RCAN2: variants seen among roughly 807,000 people sequenced by gnomAD.
RCAN2 encodes the protein regulator of calcineurin 2, also known as calcipressin-2.
Under a neutral mutation model 23.6 loss-of-function variants are expected in RCAN2, and 9 were observed. The ratio of observed to expected loss-of-function variants is 0.38; its 90% CI spans 0.23 to 0.67. RCAN2 has a LOEUF of 0.67. Ranked by LOEUF, RCAN2 falls within the 30% of genes least tolerant of loss-of-function variation. The pLI, the probability that RCAN2 is intolerant of heterozygous loss-of-function variation, is 0.51. For synonymous variants in RCAN2, 109 were observed against 115.7 expected, an observed-to-expected ratio of 0.94 and a Z score of 0.37; for missense variants, 273 against 302.3, an observed-to-expected ratio of 0.90 and a Z score of 0.72.
intron 2 of RCAN2, among the ~76,000 whole-genome samples, chr6:46,436,877 G>A (rs1338649566): frequency 6.6e-6 from 1 of 152,102 alleles, no homozygotes; most frequent in African/African-American, 2.4e-5. Flanking sequence ...TGAGTTCTTA[G>A]ATAATAAAAA....
intron 2 of RCAN2, among the ~76,000 whole-genome samples, chr6:46,429,760 C>G (rs1214799154): frequency 6.6e-6 from 1 of 152,066 alleles, no homozygotes; most frequent in Non-Finnish European, 1.5e-5. Context: ...AGAAATGGAT[C>G]ATTCATGCTG....
chr6:46,334,362 G>T (rs1268236564), intron 2 of RCAN2, among the ~76,000 whole-genome samples: 1 of 152,216 alleles, frequency 6.6e-6, no homozygotes, highest in Admixed American at 6.5e-5. Flanking sequence ...CATGCAGTGA[G>T]AGCTCAGTGA....
intron 2 of RCAN2, among the ~76,000 whole-genome samples, chr6:46,428,724 C>T (rs949107829): frequency 6.6e-6 from 1 of 152,212 alleles, no homozygotes; most frequent in Non-Finnish European, 1.5e-5. Context: ...TGTCCCAGAA[C>T]TCTCAGAACT....
chr6:46,405,176 A>G (rs556035970), intron 2 of RCAN2, among the ~76,000 whole-genome samples: 11 of 152,024 alleles, frequency 7.2e-5, no homozygotes, highest in African/African-American at 2.7e-4. Context: ...ATGTGTTCGG[A>G]GTTTTTTCCT....
At chr6:46,437,148 C>T (rs1465027145) in intron 2 of RCAN2, among the ~76,000 whole-genome samples, 1 of 152,158 alleles carries the variant, frequency 6.6e-6, no homozygotes, top group Non-Finnish European at 1.5e-5. Context: ...TAAATTGATC[C>T]TATTTGGGTG....
At chr6:46,251,992 A>G (rs183273549) in intron 2 of RCAN2, among the ~76,000 whole-genome samples, 19 of 151,600 alleles carry the variant, frequency 1.3e-4, no homozygotes, top group Admixed American at 1.2e-3. Context: ...AATGATGATA[A>G]TAATAAACAG....
At chr6:46,450,947 T>C (rs1767863214) in intron 2 of RCAN2, among the ~76,000 whole-genome samples, 1 of 152,056 alleles carries the variant, frequency 6.6e-6, no homozygotes. Context: ...GTAATAAGTA[T>C]GGGAGGTAAT....
intron 2 of RCAN2, among the ~76,000 whole-genome samples, chr6:46,334,537 C>T (rs773204598): frequency 2.0e-4 from 31 of 152,200 alleles, no homozygotes; most frequent in Admixed American, 1.4e-3. Flanking sequence ...GAAGATGACT[C>T]AGGTCACTGG....
At chr6:46,378,948 A>T (rs984417880) in intron 2 of RCAN2, among the ~76,000 whole-genome samples, 1 of 152,196 alleles carries the variant, frequency 6.6e-6, no homozygotes, top group Non-Finnish European at 1.5e-5. Context: ...TGAACCTAAC[A>T]TGCACATTGA....
At chr6:46,368,831 A>G (rs1472271834) in intron 2 of RCAN2, among the ~76,000 whole-genome samples, 1 of 152,186 alleles carries the variant, frequency 6.6e-6, no homozygotes, top group African/African-American at 2.4e-5. Context: ...TTTATAAAGT[A>G]GACTTTATAA....
At chr6:46,450,070 C>A (rs1468191878) in intron 2 of RCAN2, among the ~76,000 whole-genome samples, 2 of 151,666 alleles carry the variant, frequency 1.3e-5, no homozygotes, top group Non-Finnish European at 3.0e-5. Context: ...GAGTTAGTAT[C>A]CAAAAATACA....
chr6:46,446,329 C>A (rs958490535), intron 2 of RCAN2, among the ~76,000 whole-genome samples: 1 of 151,686 alleles, frequency 6.6e-6, no homozygotes, highest in Admixed American at 6.6e-5. Context: ...GGGGAAACTG[C>A]CAACCAAGAA....
rs1284709234 is a variant in RCAN2, at chr6:46,380,432, G to A, written c.225+76320C>T. Among the ~76,000 whole-genome samples the A allele has an allele frequency of 1.4e-4, 21 of 152,192 alleles. 1 individual carries two copies. Among genetic ancestry groups the A allele is most frequent in the Admixed American group, 1.4e-3 (21 of 15,266 alleles). On this transcript the variant is annotated intron_variant, in intron 2 of 4. Coordinates refer to ENST00000371374, the MANE Select transcript of RCAN2 (RefSeq NM_001251974.2). ...GATTACCTGCCAAATGTTTAAAGAT[G>A]CTAGAGCAAAGTTTTAGATCAGTAG...
chr6:46,291,186 T>C (rs1051533181), intron 2 of RCAN2, among the ~76,000 whole-genome samples: 26 of 152,294 alleles, frequency 1.7e-4, no homozygotes, highest in African/African-American at 6.0e-4. Flanking sequence ...CTAAGAGGTC[T>C]TTTATTTATA....
chr6:46,263,902 TAGTC>T (rs1170545995), intron 2 of RCAN2, among the ~76,000 whole-genome samples: 1 of 152,192 alleles, frequency 6.6e-6, no homozygotes, highest in Non-Finnish European at 1.5e-5. Flanking sequence ...ATTTTGGTAT[TAGTC>T]AGCACTCACA....
At chr6:46,235,141 C>A (rs1324819281) in intron 4 of RCAN2, among the ~76,000 whole-genome samples, 1 of 152,102 alleles carries the variant, frequency 6.6e-6, no homozygotes, top group African/African-American at 2.4e-5. Context: ...TAAAAATCAG[C>A]AAAATTCAGA....
chr6:46,361,935 G>C (rs1016230027), intron 2 of RCAN2, among the ~76,000 whole-genome samples: 1 of 152,156 alleles, frequency 6.6e-6, no homozygotes, highest in Non-Finnish European at 1.5e-5. Flanking sequence ...CTATCATCAT[G>C]GTTTGGAGAA....
intron 1 of RCAN2, among the ~76,000 whole-genome samples, chr6:46,481,353 G>A (rs183773268): frequency 5.3e-5 from 8 of 152,236 alleles, no homozygotes; most frequent in Non-Finnish European, 1.0e-4. Context: ...ATAAATGCAG[G>A]TTCAACAAAG....
intron 2 of RCAN2, among the ~76,000 whole-genome samples, chr6:46,403,510 T>G (rs1258191947): frequency 2.0e-5 from 3 of 150,456 alleles, no homozygotes; most frequent in Non-Finnish European, 4.4e-5. Flanking sequence ...AGGTGGAGGT[T>G]ATAGTGAGCC....
Sources: gnomAD v4.1 joint callset for allele counts (sites outside exome capture counted in the v4.1 genomes callset) on GRCh38, gnomAD v4.1.1 for gene constraint, MANE v1.5 for transcripts, NCBI Gene and HGNC (gene_info 2026-07-23, HGNC 2026-07-21) for gene names.